The following VRK1 variants were observed in gnomAD, a reference collection of about 807,000 sequenced individuals.
VRK1 encodes the protein VRK serine/threonine kinase 1.
Under a neutral mutation model 57.1 loss-of-function variants are expected in VRK1, and 33 were observed. The observed-to-expected ratio is 0.58, with a 90% CI of 0.44 to 0.77. The LOEUF (loss-of-function observed/expected upper bound fraction) is 0.77, where lower values mean the gene tolerates loss of function less well. Ranked by LOEUF, VRK1 falls within the 30% of genes least tolerant of loss-of-function variation. The probability of loss-of-function intolerance (pLI) is 0.00; values close to 1 mark genes in which losing one functional copy is unlikely to be tolerated. For missense variants in VRK1, 413 were observed against 477.3 expected, an observed-to-expected ratio of 0.87 and a Z score of 1.25; for synonymous variants, 137 against 147.8, an observed-to-expected ratio of 0.93 and a Z score of 0.53.
intron 1 of VRK1, among the ~76,000 whole-genome samples, chr14:96,814,139 T>C (rs1020335324): frequency 1.3e-5 from 2 of 152,198 alleles, no homozygotes; most frequent in African/African-American, 4.8e-5. Context: ...TTAGGATTAA[T>C]TGAGCAAAAA....
intron 11 of VRK1, among the ~76,000 whole-genome samples, chr14:96,870,878 C>T (rs1364084189): frequency 6.6e-6 from 1 of 152,036 alleles, no homozygotes; most frequent in Non-Finnish European, 1.5e-5. Flanking sequence ...TTCCCTAGTT[C>T]CTTAGTAAGC....
chr14:96,831,471 A>G (rs1212216970), intron 1 of VRK1, among the ~76,000 whole-genome samples: 2 of 152,212 alleles, frequency 1.3e-5, no homozygotes, highest in Non-Finnish European at 2.9e-5. Flanking sequence ...GACTATTTTT[A>G]GGAAAGAAAG....
intron 5 of VRK1, 137 bp from the exon 6 acceptor site, chr14:96,852,694 C>A: frequency 1.4e-6 from 1 of 723,640 alleles, no homozygotes; most frequent in Admixed American, 2.2e-5. Context: ...GAAATTGTTT[C>A]AAATGTTTGT....
At chr14:96,826,112 A>G (rs922221260) in intron 1 of VRK1, among the ~76,000 whole-genome samples, 3 of 152,246 alleles carry the variant, frequency 2.0e-5, no homozygotes, top group African/African-American at 7.2e-5. Context: ...ATACAGTACC[A>G]TATTGTGATA....
chr14:96,813,233 T>C (rs1886272430), intron 1 of VRK1, among the ~76,000 whole-genome samples: 1 of 152,258 alleles, frequency 6.6e-6, no homozygotes, highest in Non-Finnish European at 1.5e-5. Context: ...CTCTTAACAC[T>C]GCTCGGTGCT....
At chr14:96,810,991 G>A (rs553637486) in intron 1 of VRK1, among the ~76,000 whole-genome samples, 6 of 151,704 alleles carry the variant, frequency 4.0e-5, no homozygotes, top group South Asian at 2.1e-4. Flanking sequence ...GTGCAGTGGC[G>A]CTATCTCGGC....
At chr14:96,869,174 A>G (rs1439308846) in intron 11 of VRK1, among the ~76,000 whole-genome samples, 7 of 152,200 alleles carry the variant, frequency 4.6e-5, no homozygotes, top group African/African-American at 1.7e-4. Flanking sequence ...TAAGATTGTT[A>G]TGAGGAATAA....
intron 12 of VRK1, among the ~76,000 whole-genome samples, chr14:96,876,530 G>A (rs561513161): frequency 6.6e-6 from 1 of 152,206 alleles, no homozygotes; most frequent in Non-Finnish European, 1.5e-5. Context: ...TGACTGAGCT[G>A]TTGTGAAAGG....
At chr14:96,836,566 A>G (rs1887222980) in intron 2 of VRK1, among the ~76,000 whole-genome samples, 1 of 124,894 alleles carries the variant, frequency 8.0e-6, no homozygotes, top group South Asian at 2.6e-4. Context: ...TCTGTTGCCC[A>G]GATTGGAGTG....
chr14:96,829,988 A>G lies in VRK1; in HGVS notation c.-5-3479A>G, dbSNP rs140524723. Among the ~76,000 whole-genome samples the G allele has an allele frequency of 5.3e-5, 8 of 152,274 alleles. No homozygotes were observed. The East Asian group carries it at 1.5e-3, about 29-fold the overall frequency. ...ACACTTAGCAGTCTTTATACTCGAA[A>G]TTTAGCTGGGTATAAAATCTTTGGT... On this transcript the variant is annotated intron_variant, in intron 1 of 12. Coordinates refer to ENST00000216639, the MANE Select transcript of VRK1 (RefSeq NM_003384.3).
At chr14:96,805,308 T>C (rs533504210) in intron 1 of VRK1, among the ~76,000 whole-genome samples, 1 of 152,344 alleles carries the variant, frequency 6.6e-6, no homozygotes, top group South Asian at 2.1e-4. Context: ...AGACATTATA[T>C]ATTTCATGTG....
At chr14:96,877,588 AAT>A (rs1889095974) in intron 12 of VRK1, 1 of 1,289,302 alleles carries the variant, frequency 7.8e-7, no homozygotes, top group Non-Finnish European at 1.0e-6. Flanking sequence ...GTGGGAACAA[AAT>A]TAAGGAGTAT....
intron 1 of VRK1, among the ~76,000 whole-genome samples, chr14:96,827,357 A>G (rs1362663821): frequency 6.6e-6 from 1 of 152,116 alleles, no homozygotes; most frequent in Non-Finnish European, 1.5e-5. Context: ...TTAGCAGAGA[A>G]AGTGCTTCTC....
chr14:96,855,417 T>G (rs986176215), intron 8 of VRK1, 61 bp downstream of exon 8: 13 of 1,611,764 alleles, frequency 8.1e-6, no homozygotes, highest in Middle Eastern at 1.6e-4. Flanking sequence ...GATTCCTACA[T>G]AGTTCTTAAT....
intron 3 of VRK1, among the ~76,000 whole-genome samples, chr14:96,843,802 A>G (rs1887564720): frequency 6.6e-6 from 1 of 152,188 alleles, no homozygotes; most frequent in African/African-American, 2.4e-5. Context: ...GTGCAATGCC[A>G]AGGAAGTAGC....
intron 1 of VRK1, among the ~76,000 whole-genome samples, chr14:96,798,522 A>AG (rs1885531432): frequency 6.6e-6 from 1 of 152,148 alleles, no homozygotes; most frequent in African/African-American, 2.4e-5. Flanking sequence ...TGTTGGTTTT[A>AG]GGGAACTGTT....
chr14:96,818,842 T>A (rs890335632), intron 1 of VRK1, among the ~76,000 whole-genome samples: 4 of 152,214 alleles, frequency 2.6e-5, no homozygotes, highest in Admixed American at 6.5e-5. Flanking sequence ...TCTGTCTCAA[T>A]CATAGGATTT....
At chr14:96,845,163 G>A (rs1219308541) in intron 3 of VRK1, among the ~76,000 whole-genome samples, 1 of 152,096 alleles carries the variant, frequency 6.6e-6, no homozygotes, top group East Asian at 1.9e-4. Flanking sequence ...CCTAAAATTA[G>A]TTTAGAAATG....
intron 11 of VRK1, among the ~76,000 whole-genome samples, chr14:96,866,649 C>T (rs1247665514): frequency 6.6e-6 from 1 of 152,100 alleles, no homozygotes; most frequent in African/African-American, 2.4e-5. Flanking sequence ...AGGGTTTCCT[C>T]TTTTCAACGG....
Sources: allele counts gnomAD v4.1 joint callset (sites outside exome capture counted in the v4.1 genomes callset), GRCh38; gene constraint gnomAD v4.1.1; transcripts MANE v1.5; gene names NCBI Gene and HGNC (gene_info 2026-07-23, HGNC 2026-07-21).